Variants in FMNL1 observed in about 807,000 individuals in gnomAD.
FMNL1 encodes formin like 1.
A neutral mutation model predicts 121.3 loss-of-function variants in FMNL1; 43 were observed. The ratio of observed to expected loss-of-function variants is 0.35; its 90% CI spans 0.28 to 0.46. FMNL1 has a LOEUF of 0.46. Among genes scored for constraint, FMNL1 ranks in the 20% least tolerant of loss-of-function variants. FMNL1 has a pLI of 1.00. For missense variants in FMNL1, 1,191 were observed against 1,482.4 expected, an observed-to-expected ratio of 0.80 and a Z score of 3.23; for synonymous variants, 613 against 613.5, an observed-to-expected ratio of 1.00 and a Z score of 0.01.
intron 10 of FMNL1, 151 bp downstream of exon 10, chr17:45,238,789 G>A: frequency 8.7e-7 from 1 of 1,148,012 alleles, no homozygotes; most frequent in East Asian, 2.4e-5. Flanking sequence ...GTTGGCAGGG[G>A]GCTGGATTGA....
Position 45,237,353 on chromosome 17 carries a change from C to G in FMNL1, c.796C>G (p.Pro266Ala). The G allele has an allele frequency of 6.2e-7, 1 of 1,614,158 alleles. No homozygotes were observed. Among genetic ancestry groups the G allele is most frequent in the African/African-American group, 1.3e-5 (1 of 75,046 alleles). Residue 266 changes from proline (P) to alanine (A), a missense_variant, in exon 8 of 27, where the codon CCC becomes GCC. Physicochemically the swap from Pro to Ala is conservative, Grantham distance 27 (BLOSUM62 -1). Transcript: ENST00000331495. This position sits in a 1 kb window ranked among gnomAD's most constrained non-coding sequence, Gnocchi z 4.4. The stretch of plus-strand genomic sequence containing the variant: ...TGCTCTGAGCCTCAACAACAAGAAC[C>G]CCAGGTGAGGTCCAGGCCCCAAACC... ...EIALSLNNKNPRTKALVLELL... is the reference protein window; with the variant it reads ...EIALSLNNKNARTKALVLELL...
chr17:45,238,609 C>A lies in FMNL1; in HGVS notation c.940C>A (p.Arg314=), dbSNP rs771585864. ...HRFEKLMEYF[R]NEDSNIDFMV... ...CTTTGAAAAGCTGATGGAATATTTC[C>A]GGAATGAGGACAGCAACATCGACTT... is the stretch of plus-strand genomic sequence containing the variant. The change falls in exon 10 of 27, where the codon CGG becomes AGG. Residue 314 remains arginine, a synonymous_variant. Coordinates refer to ENST00000331495, the MANE Select transcript of FMNL1 (RefSeq NM_005892.4). 5.6e-6 allele frequency: 9 copies of A among 1,614,058 alleles called. No individual in the cohort carries two copies. Among genetic ancestry groups the A allele is most frequent in the Non-Finnish European group, 7.6e-6 (9 of 1,180,032 alleles).
rs1461518344 is a variant in FMNL1 at position 45,233,691 on chromosome 17, G to A, written c.445G>A (p.Val149Met). ...FLNEENRGLD[V>M]LLEYLAFAQC... ...CAATGAAGAGAACCGTGGCCTGGAT[G>A]TGCTGCTCGAGTACCTGGCCTTTGC... is the stretch of plus-strand genomic sequence containing the variant. The change falls in exon 5 of 27, where the codon GTG becomes ATG. Residue 149 changes from valine to methionine, a missense_variant. Transcript: ENST00000331495. The surrounding 1 kb of genome is among the most constrained non-coding windows in gnomAD (Gnocchi z 4.1). The A allele has an allele frequency of 9.3e-6, 15 of 1,614,058 alleles. No homozygotes were observed. The highest frequency in any genetic ancestry group is 1.2e-5 in the Non-Finnish European group (14 of 1,179,978).
In FMNL1 at chr17:45,245,314, G is replaced by C. The variant is rs777867078; in HGVS notation, c.2790G>C (p.Gln930His). ...TGCAGCGAGGCCTAGAGTTGACACAGAGAGAGTTTGTGCGGCAGGATGACT... is the reference window on the plus strand; with the variant it reads ...TGCAGCGAGGCCTAGAGTTGACACACAGAGAGTTTGTGCGGCAGGATGACT... Reference protein sequence around the residue: ...RSLQRGLELTQREFVRQDDCM... With the variant: ...RSLQRGLELTHREFVRQDDCM... Residue 930 changes from glutamine (Q) to histidine (H), a missense_variant, in exon 22 of 27, where the codon CAG becomes CAC. This residue lies in a region of FMNL1 where 367 missense variants were observed against 528.6 expected (regional missense o/e 0.69). Transcript: ENST00000331495. 3 of 1,614,222 alleles carry C rather than the reference G, an allele frequency of 1.9e-6. No homozygotes were observed. Among genetic ancestry groups the C allele is most frequent in the Non-Finnish European group, 2.5e-6 (3 of 1,180,032 alleles).
In FMNL1 at chr17:45,241,262, C is replaced by A; in HGVS notation, c.1332+32C>A. 6.2e-7 allele frequency: 1 copy of A among 1,613,406 alleles called. No individual in the cohort carries two copies. The highest frequency in any genetic ancestry group is 8.5e-7 in the Non-Finnish European group (1 of 1,179,662). Reference sequence around the variant, plus strand: ...CTGGGGCGGGTGGTAGGCCAGGCGCCCAAGAACAGGCCAGCTGAGGCTTCT... The same window carrying A: ...CTGGGGCGGGTGGTAGGCCAGGCGCACAAGAACAGGCCAGCTGAGGCTTCT... On this transcript the variant is annotated intron_variant, in intron 13 of 26. Coordinates refer to ENST00000331495, the MANE Select transcript of FMNL1 (RefSeq NM_005892.4). The surrounding 1 kb of genome is among the most constrained non-coding windows in gnomAD (Gnocchi z 7.0).
At chr17:45,224,307 C>A (rs1178108994) in intron 1 of FMNL1, among the ~76,000 whole-genome samples, 4 of 152,122 alleles carry the variant, frequency 2.6e-5, no homozygotes, top group African/African-American at 9.7e-5. Context: ...CCTGAGGCTG[C>A]CCAGGGCTAA....
chr17:45,233,330 C>A lies in FMNL1; in HGVS notation c.401+33C>A. The stretch of plus-strand genomic sequence containing the variant: ...AGGGCTCAGATCTTCCTCTCTGGGC[C>A]TAGGAAGGCTCTGCTTCCAGGCAGC... On this transcript the variant is annotated intron_variant, in intron 4 of 26. Transcript: ENST00000331495. This position sits in a 1 kb window ranked among gnomAD's most constrained non-coding sequence, Gnocchi z 4.1. 1 of 1,545,416 alleles carries A rather than the reference C, an allele frequency of 6.5e-7. No homozygotes were observed. The highest frequency in any genetic ancestry group is 8.7e-7 in the Non-Finnish European group (1 of 1,143,452).
rs2043568528 is a variant in FMNL1 at position 45,237,168 on chromosome 17, G to C, written c.724-113G>C. The C allele has an allele frequency of 1.1e-6, 1 of 933,826 alleles. No individual in the cohort carries two copies. Among genetic ancestry groups the C allele is most frequent in the Non-Finnish European group, 1.7e-6 (1 of 598,814 alleles). The allele number at this position is 933,826 out of a possible 1,614,324, so 57.8% of individuals were successfully genotyped here. A position where few individuals can be genotyped will look rare whatever the true frequency, so the allele number is the denominator to read the frequency against. On this transcript the variant is annotated intron_variant, in intron 7 of 26. Coordinates refer to ENST00000331495, the MANE Select transcript of FMNL1 (RefSeq NM_005892.4). This position sits in a 1 kb window ranked among gnomAD's most constrained non-coding sequence, Gnocchi z 4.4. ...GGTTTTGGTGGCCACAGAAGTTGCG[G>C]TTGGATACAAAGAACTTCCTAAACT...
At chr17:45,227,427 C>A (rs943308253) in intron 1 of FMNL1, among the ~76,000 whole-genome samples, 6 of 151,994 alleles carry the variant, frequency 3.9e-5, no homozygotes, top group Non-Finnish European at 8.8e-5. Flanking sequence ...ACACTCAGGG[C>A]AGGGAGGGAG....
At chr17:45,243,052 T>A in intron 16 of FMNL1, 66 bp from the exon 17 acceptor site, 5 of 1,563,004 alleles carry the variant, frequency 3.2e-6, no homozygotes, top group Non-Finnish European at 4.4e-6. Context: ...TCTAGCACTG[T>A]GCTCAGCCAG....
At chr17:45,230,309 G>T (rs1027207043) in intron 1 of FMNL1, among the ~76,000 whole-genome samples, 1 of 152,178 alleles carries the variant, frequency 6.6e-6, no homozygotes, top group South Asian at 2.1e-4. Context: ...GACAACCCAC[G>T]CTCCTGCCTG....
Position 45,241,509 on chromosome 17 carries a change from G to A in FMNL1, c.1460G>A (p.Gly487Glu). ...AAGGTGGAGGAGCTGGAGGAGAAGG[G>A]GTTAATCCGTATTCTGCGGGGGCCG... is the stretch of plus-strand genomic sequence containing the variant. ...ELKVEELEEK[G>E]LIRILRGPGD... Residue 487 changes from glycine to glutamate, a missense_variant, in exon 14 of 27, where the codon GGG becomes GAG. Coordinates refer to ENST00000331495, the MANE Select transcript of FMNL1 (RefSeq NM_005892.4). This position sits in a 1 kb window ranked among gnomAD's most constrained non-coding sequence, Gnocchi z 7.0. The A allele has an allele frequency of 6.3e-7, 1 of 1,581,616 alleles. No individual in the cohort carries two copies. The highest frequency in any genetic ancestry group is 8.6e-7 in the Non-Finnish European group (1 of 1,164,834).
At position 45,233,133 on chromosome 17, in the gene FMNL1, G is replaced by A. The variant is rs1478837651; in HGVS notation, c.328-91G>A. On this transcript the variant is annotated intron_variant, in intron 3 of 26. Coordinates refer to ENST00000331495, the MANE Select transcript of FMNL1 (RefSeq NM_005892.4). The surrounding 1 kb of genome is among the most constrained non-coding windows in gnomAD (Gnocchi z 4.1). ...AAGGCCACTTGTGCCAGTTGGAGGA[G>A]GGTGGGCGCTGCTGCCTGCTGCCTC... 7.7e-7 allele frequency: 1 copy of A among 1,297,796 alleles called. No individual in the cohort carries two copies. Among genetic ancestry groups the A allele is most frequent in the Admixed American group, 2.0e-5 (1 of 50,554 alleles). 80.4% of individuals were successfully genotyped at this position (1,297,796 alleles called of 1,614,324 possible).
Position 45,241,432 on chromosome 17 carries a change from G to T in FMNL1, c.1383G>T (p.Glu461Asp). ...TAMGPSRRPP[E>D]PEKAPPAAPT... Reference sequence around the variant, plus strand: ...TGGGGCCCTCCAGGCGTCCCCCAGAGCCTGAGAAAGCGCCTCCCGCTGCCC... The same window carrying T: ...TGGGGCCCTCCAGGCGTCCCCCAGATCCTGAGAAAGCGCCTCCCGCTGCCC... Residue 461 changes from glutamate to aspartate, a missense_variant, in exon 14 of 27, where the codon GAG becomes GAT. Coordinates refer to ENST00000331495, the MANE Select transcript of FMNL1 (RefSeq NM_005892.4). The surrounding 1 kb of genome is among the most constrained non-coding windows in gnomAD (Gnocchi z 7.0). 1 of 1,563,034 alleles carries T rather than the reference G, an allele frequency of 6.4e-7. No homozygotes were observed. Among genetic ancestry groups the T allele is most frequent in the South Asian group, 1.2e-5 (1 of 85,496 alleles).
At position 45,244,984 on chromosome 17, in the gene FMNL1, G is replaced by T; in HGVS notation, c.2604G>T (p.Leu868Phe). 1.2e-6 allele frequency: 2 copies of T among 1,613,292 alleles called. No individual in the cohort carries two copies. Among genetic ancestry groups the T allele is most frequent in the Non-Finnish European group, 1.7e-6 (2 of 1,179,312 alleles). Residue 868 changes from leucine (L) to phenylalanine (F), a missense_variant, in exon 21 of 27, where the codon TTG becomes TTT. Leu to Phe is a conservative substitution (Grantham distance 22, BLOSUM62 0). Transcript: ENST00000331495. Reference protein sequence around the residue: ...GFRLQSLDALLEMKSTDRKQT... With the variant: ...GFRLQSLDALFEMKSTDRKQT... The stretch of plus-strand genomic sequence containing the variant: ...TACAATGGGTCCTTGTGCAGCTGTT[G>T]GAGATGAAGTCGACTGATCGCAAGC...
At chr17:45,245,467 T>C (rs374521596) in intron 22 of FMNL1, 51 bp downstream of exon 22, 88 of 1,612,216 alleles carry the variant, frequency 5.5e-5, no homozygotes, top group African/African-American at 4.3e-4. Flanking sequence ...GAGCACTAGA[T>C]AGCACAGCCT....
At position 45,232,358 on chromosome 17, in the gene FMNL1, TCTC is replaced by T; in HGVS notation, c.214-7_214-5del. 6.2e-7 allele frequency: 1 copy of T among 1,613,284 alleles called. No individual in the cohort carries two copies. Among genetic ancestry groups the T allele is most frequent in the Non-Finnish European group, 8.5e-7 (1 of 1,179,656 alleles). On this transcript the variant is annotated splice_polypyrimidine_tract_variant and splice_region_variant and intron_variant, in intron 2 of 26. Transcript: ENST00000331495. ...CTGGTTTTCTGTACACCCCATTCCA[TCTC>T]CCCAGGAGCGGTTTCAAGTCAAGAA...
In FMNL1 at chr17:45,241,096, C is replaced by T. The variant is rs746086486; in HGVS notation, c.1231-33C>T. 43 of 1,611,654 alleles carry T rather than the reference C, an allele frequency of 2.7e-5. No homozygotes were observed. The highest frequency in any genetic ancestry group is 3.6e-5 in the Non-Finnish European group (42 of 1,178,814). ...CACCGGCGGTGCCAGTGCCGGGCTGCGGGTCGGGGCTCACCATGTGCTGGT... is the reference window on the plus strand; with the variant it reads ...CACCGGCGGTGCCAGTGCCGGGCTGTGGGTCGGGGCTCACCATGTGCTGGT... On this transcript the variant is annotated intron_variant, in intron 12 of 26. Transcript: ENST00000331495. This position sits in a 1 kb window ranked among gnomAD's most constrained non-coding sequence, Gnocchi z 7.0.
chr17:45,241,195 C>A lies in FMNL1; in HGVS notation c.1297C>A (p.Leu433Ile). 1 of 1,614,008 alleles carries A rather than the reference C, an allele frequency of 6.2e-7. No homozygotes were observed. Among genetic ancestry groups the A allele is most frequent in the Non-Finnish European group, 8.5e-7 (1 of 1,179,854 alleles). ...CAAGATTGCAGAACTGGAAAAACAG[C>A]TAAGCCAGGCGCGCAAGGAGTTGGA... The part of the protein sequence containing the change: ...MAKIAELEKQ[L>I]SQARKELETL... Residue 433 changes from leucine to isoleucine, a missense_variant, in exon 13 of 27, where the codon CTA becomes ATA. Physicochemically the swap from Leu to Ile is conservative, Grantham distance 5. This residue lies in a region of FMNL1 where 519 missense variants were observed against 492.8 expected (regional missense o/e 1.05). Transcript: ENST00000331495. The surrounding 1 kb of genome is among the most constrained non-coding windows in gnomAD (Gnocchi z 7.0).
Sources: allele counts gnomAD v4.1 joint callset (sites outside exome capture counted in the v4.1 genomes callset), GRCh38; gene constraint gnomAD v4.1.1; regional missense constraint gnomAD v4.1.1; non-coding constraint Gnocchi (gnomAD v3.1); transcripts MANE v1.5; gene names NCBI Gene and HGNC (gene_info 2026-07-23, HGNC 2026-07-21).